The following RIPK1 variants were observed in gnomAD, a reference collection of about 807,000 sequenced individuals.
The protein encoded by RIPK1 is receptor interacting serine/threonine kinase 1, also known as receptor-interacting serine/threonine-protein kinase 1.
A neutral mutation model predicts 62.4 loss-of-function variants in RIPK1; 27 were observed. The ratio of observed to expected loss-of-function variants is 0.43; its 90% confidence interval spans 0.32 to 0.60. The LOEUF is 0.60. Ranked by LOEUF, RIPK1 falls within the 20% of genes least tolerant of loss-of-function variation. The probability of loss-of-function intolerance (pLI) is 0.07; values close to 1 mark genes in which losing one functional copy is unlikely to be tolerated. For missense variants in RIPK1, 735 were observed against 831.0 expected (o/e 0.88, Z 1.42); for synonymous variants, 287 against 303.2 (o/e 0.95, Z 0.55).
At position 3,105,267 on chromosome 6, in the gene RIPK1, A is replaced by G. The variant is rs1313358993; in HGVS notation, c.1007-215A>G. 2.0e-5 allele frequency among the ~76,000 whole-genome samples: 3 copies of G among 152,084 alleles called. No individual in the cohort carries two copies. Among genetic ancestry groups the G allele is most frequent in the Non-Finnish European group, 2.9e-5 (2 of 68,004 alleles). Reference sequence around the variant, plus strand: ...AACAGCCGCTTTTCTCTTGCTTGCTATAATTTTCCTAGTACTCTCTTACTG... The same window carrying G: ...AACAGCCGCTTTTCTCTTGCTTGCTGTAATTTTCCTAGTACTCTCTTACTG... On this transcript the variant is annotated intron_variant, in intron 8 of 10. Coordinates refer to ENST00000259808, the MANE Select transcript of RIPK1 (RefSeq NM_001354930.2). This position sits in a 1 kb window ranked among gnomAD's most constrained non-coding sequence, Gnocchi z 4.5.
chr6:3,093,968 G>A (rs1178114102), intron 7 of RIPK1, among the ~76,000 whole-genome samples: 3 of 123,710 alleles, frequency 2.4e-5, no homozygotes, highest in African/African-American at 6.5e-5. Context: ...CCTACCTGCC[G>A]CACCTAGTAA....
chr6:3,099,472 A>AG (rs1760487807), intron 7 of RIPK1, among the ~76,000 whole-genome samples: 1 of 152,256 alleles, frequency 6.6e-6, no homozygotes, highest in Non-Finnish European at 1.5e-5. Flanking sequence ...TGAACCCAGG[A>AG]GGCGGAGCTT....
intron 3 of RIPK1, among the ~76,000 whole-genome samples, 169 bp downstream of exon 3, chr6:3,078,104 C>T (rs1351251131): frequency 1.3e-5 from 2 of 152,160 alleles, no homozygotes; most frequent in African/African-American, 4.8e-5. Flanking sequence ...TGCTATGTTG[C>T]CCAGGCTGAA....
In RIPK1 at chr6:3,089,566, ATTTTAC is replaced by A; in HGVS notation, c.839-8_839-3del. On this transcript the variant is annotated splice_polypyrimidine_tract_variant and intron_variant, in intron 6 of 10. Transcript: ENST00000259808. ...AAAATAATTAAGAAATTTAAAGTACATTTTACTTTTACAGGCATTGAAGAAAAATTT... is the reference window on the plus strand; with the variant it reads ...AAAATAATTAAGAAATTTAAAGTACATTTTACAGGCATTGAAGAAAAATTT... 8.5e-7 allele frequency: 1 copy of A among 1,171,116 alleles called. No homozygotes were observed. Among genetic ancestry groups the A allele is most frequent in the Non-Finnish European group, 1.3e-6 (1 of 791,060 alleles). The allele number at this position is 1,171,116 out of a possible 1,614,324, so 72.5% of individuals were successfully genotyped here.
chr6:3,068,080 T>C (rs996419362), upstream of RIPK1: 3 of 337,318 alleles, frequency 8.9e-6, no homozygotes, highest in African/African-American at 6.7e-5. Context: ...ATTTTTAATA[T>C]ACATGAATAG....
rs1240696896 is a variant in RIPK1, at chr6:3,072,827, CT to C, written c.-60-3935del. ...GATGACCCTTATGGAATGGGGAAGG[CT>C]TCACAGTTCTGCCTGCTCCAGTGAT... On this transcript the variant is annotated intron_variant, in intron 1 of 10. Coordinates refer to ENST00000259808, the MANE Select transcript of RIPK1 (RefSeq NM_001354930.2). The surrounding 1 kb of genome is among the most constrained non-coding windows in gnomAD (Gnocchi z 5.6). Among the ~76,000 whole-genome samples the C allele has an allele frequency of 6.6e-6, 1 of 152,154 alleles. No individual in the cohort carries two copies. The highest frequency in any genetic ancestry group is 1.5e-5 in the Non-Finnish European group (1 of 68,016).
At chr6:3,064,520 C>A (rs1055128127), upstream of RIPK1, among the ~76,000 whole-genome samples, 2 of 152,186 alleles carry the variant, frequency 1.3e-5, no homozygotes, top group African/African-American at 4.8e-5. Flanking sequence ...CCCTTCCTTC[C>A]CCGGAGCACT....
intron 9 of RIPK1, among the ~76,000 whole-genome samples, chr6:3,108,370 A>G (rs1760967855): frequency 6.6e-6 from 1 of 152,180 alleles, no homozygotes; most frequent in Non-Finnish European, 1.5e-5. Flanking sequence ...GTATGTTTCT[A>G]GTATTGCATT....
At chr6:3,078,011 T>G (rs564337151) in intron 3 of RIPK1, 76 bp downstream of exon 3, 18 of 1,472,882 alleles carry the variant, frequency 1.2e-5, no homozygotes, top group African/African-American at 1.4e-5. Context: ...CTTGGGGTGT[T>G]TGTTTGCAGC....
intron 7 of RIPK1, among the ~76,000 whole-genome samples, chr6:3,102,320 T>G (rs891202028): frequency 6.6e-6 from 1 of 152,192 alleles, no homozygotes. Flanking sequence ...CACAAAATTA[T>G]TAAAATATGG....
chr6:3,072,270 A>G lies in RIPK1; in HGVS notation c.-61+3609A>G, dbSNP rs890639821. Among the ~76,000 whole-genome samples the G allele has an allele frequency of 6.6e-5, 10 of 152,196 alleles. No homozygotes were observed. Among genetic ancestry groups the G allele is most frequent in the African/African-American group, 2.2e-4 (9 of 41,456 alleles). ...TTCATGTCTATTGTGGAAAATTTGG[A>G]AAACATAGTAAAAGTGTAAAGAAGA... On this transcript the variant is annotated intron_variant, in intron 1 of 10. Coordinates refer to ENST00000259808, the MANE Select transcript of RIPK1 (RefSeq NM_001354930.2). The surrounding 1 kb of genome is among the most constrained non-coding windows in gnomAD (Gnocchi z 5.6).
chr6:3,066,672 C>G (rs1758394285), upstream of RIPK1, among the ~76,000 whole-genome samples: 1 of 152,168 alleles, frequency 6.6e-6, no homozygotes, highest in Non-Finnish European at 1.5e-5. Flanking sequence ...TCCTGCATTA[C>G]TGTGGAATAT....
At chr6:3,095,135 G>A (rs1435581420) in intron 7 of RIPK1, among the ~76,000 whole-genome samples, 1 of 152,040 alleles carries the variant, frequency 6.6e-6, no homozygotes, top group Non-Finnish European at 1.5e-5. Flanking sequence ...ATCACTATAG[G>A]TCCTGCAGAC....
rs17548266 is a variant in RIPK1, at chr6:3,103,982, C to T, written c.916-243C>T. 7.1e-3 allele frequency among the ~76,000 whole-genome samples: 1,078 copies of T among 152,298 alleles called. 13 individuals carry two copies. The highest frequency in any genetic ancestry group is 8.4e-3 in the Non-Finnish European group (569 of 68,032). On this transcript the variant is annotated intron_variant, in intron 7 of 10. Coordinates refer to ENST00000259808, the MANE Select transcript of RIPK1 (RefSeq NM_001354930.2). ...TGTGCCTGTCTTTATGCCAGTCCTA[C>T]GCTGTTTTGAATACTGTAGCTTTGT...
At chr6:3,082,077 G>T (rs978519192) in intron 4 of RIPK1, among the ~76,000 whole-genome samples, 2 of 152,088 alleles carry the variant, frequency 1.3e-5, no homozygotes, top group Non-Finnish European at 2.9e-5. Context: ...GCAGGATTTA[G>T]CTAGGGGGAG....
intron 6 of RIPK1, 57 bp from the exon 7 acceptor site, chr6:3,089,524 T>C (rs922025240): frequency 6.8e-6 from 6 of 882,102 alleles, no homozygotes; most frequent in Admixed American, 2.1e-5. Context: ...ATGGCTAATA[T>C]TTTTATTTTA....
At chr6:3,097,345 C>T (rs549394028) in intron 7 of RIPK1, among the ~76,000 whole-genome samples, 1 of 152,194 alleles carries the variant, frequency 6.6e-6, no homozygotes, top group South Asian at 2.1e-4. Flanking sequence ...AGATTCTTGT[C>T]AAGAATTATT....
intron 1 of RIPK1, among the ~76,000 whole-genome samples, chr6:3,070,100 G>A (rs902793927): frequency 6.6e-6 from 1 of 152,164 alleles, no homozygotes; most frequent in African/African-American, 2.4e-5. Flanking sequence ...GAAATTTGGA[G>A]TGTATCATTA....
chr6:3,085,426 G>T lies in RIPK1; in HGVS notation c.838+18G>T, dbSNP rs775819505. The T allele has an allele frequency of 6.2e-7, 1 of 1,613,720 alleles. No individual in the cohort carries two copies. The highest frequency in any genetic ancestry group is 1.7e-5 in the Admixed American group (1 of 59,974). ...ATTTCCTGGTAAGAGCATCTTTTCT[G>T]ACTGTGTAGGATGCATCCTGTGTGG... On this transcript the variant is annotated intron_variant, in intron 6 of 10. Transcript: ENST00000259808.
Sources: gnomAD v4.1 joint callset for allele counts (sites outside exome capture counted in the v4.1 genomes callset) on GRCh38, gnomAD v4.1.1 for gene constraint, Gnocchi (gnomAD v3.1) non-coding constraint, MANE v1.5 for transcripts, NCBI Gene and HGNC (gene_info 2026-07-23, HGNC 2026-07-21) for gene names.